The following DSE variants were observed in gnomAD, a reference collection of about 807,000 sequenced individuals.
DSE encodes the protein dermatan-sulfate epimerase.
In DSE, 36 loss-of-function variants were observed where a neutral mutation model predicts 84.4. That is an observed-to-expected ratio of 0.43 (90% CI 0.33 to 0.56). The LOEUF is 0.56. Ranked by LOEUF, DSE falls within the 20% of genes least tolerant of loss-of-function variation. The probability of loss-of-function intolerance (pLI) is 0.06; values close to 1 mark genes in which losing one functional copy is unlikely to be tolerated. For synonymous variants in DSE, 410 were observed against 430.1 expected, an observed-to-expected ratio of 0.95 and a Z score of 0.58; for missense variants, 862 against 1,169.6, an observed-to-expected ratio of 0.74 and a Z score of 3.84.
intron 2 of DSE, among the ~76,000 whole-genome samples, chr6:116,283,689 A>G (rs566432373): frequency 6.6e-6 from 1 of 152,048 alleles, no homozygotes; most frequent in Non-Finnish European, 1.5e-5. Flanking sequence ...GACTACAGAC[A>G]CTGGCCACCA....
chr6:116,437,420 G>C lies in DSE; in HGVS notation c.*75G>C. The C allele has an allele frequency of 7.6e-7, 1 of 1,322,306 alleles. No homozygotes were observed. The highest frequency in any genetic ancestry group is 1.0e-6 in the Non-Finnish European group (1 of 994,708). 81.9% of individuals were successfully genotyped at this position (1,322,306 alleles called of 1,614,324 possible). A position where few individuals can be genotyped will look rare whatever the true frequency, so the allele number is the denominator to read the frequency against. On this transcript the variant is annotated 3_prime_UTR_variant, in exon 6 of 6. Coordinates refer to ENST00000644252, the MANE Select transcript of DSE (RefSeq NM_013352.4). ...CAAAAAAAAAAATTTCTTTACCCCAGATTATCAGATTTTTTTCCCTCAGAT... is the reference window on the plus strand; with the variant it reads ...CAAAAAAAAAAATTTCTTTACCCCACATTATCAGATTTTTTTCCCTCAGAT...
At chr6:116,401,153 C>T (rs1038685490) in intron 2 of DSE, 2 of 151,964 alleles carry the variant, frequency 1.3e-5, no homozygotes, top group African/African-American at 4.8e-5. Context: ...GAGAATTGTA[C>T]AAGACTAGTA....
intron 2 of DSE, among the ~76,000 whole-genome samples, chr6:116,411,255 A>G (rs1306041404): frequency 6.6e-6 from 1 of 152,190 alleles, no homozygotes; most frequent in Non-Finnish European, 1.5e-5. Flanking sequence ...CTTTCTGTTG[A>G]TGATAGAAAA....
At chr6:116,375,654 T>A (rs971299162) in intron 1 of DSE, 1 of 728,498 alleles carries the variant, frequency 1.4e-6, no homozygotes, top group Non-Finnish European at 1.7e-6. Flanking sequence ...GAAAGAGAAA[T>A]ACAAGGTATT....
chr6:116,358,952 A>G (rs1490797956), intron 2 of DSE, among the ~76,000 whole-genome samples: 1 of 152,208 alleles, frequency 6.6e-6, no homozygotes, highest in Non-Finnish European at 1.5e-5. Flanking sequence ...GAAAGTAAAC[A>G]TGAACAGTAT....
intron 2 of DSE, among the ~76,000 whole-genome samples, chr6:116,345,143 A>C (rs1777870354): frequency 6.6e-6 from 1 of 152,188 alleles, no homozygotes; most frequent in African/African-American, 2.4e-5. Context: ...CTACAAAGAG[A>C]CTTAGACTCC....
intron 2 of DSE, among the ~76,000 whole-genome samples, chr6:116,416,490 A>C (rs1317082411): frequency 6.6e-6 from 1 of 151,250 alleles, no homozygotes; most frequent in Non-Finnish European, 1.5e-5. Flanking sequence ...TTTATTCTTC[A>C]TTATAGACTT....
rs1234454962 is a variant in DSE, at chr6:116,429,674, C to T, written c.671-1280C>T. On this transcript the variant is annotated intron_variant, in intron 3 of 5. Transcript: ENST00000644252. ...ATAGAAATATGAGGAGTTGGCCGGG[C>T]GCGGTGGCTCACGCTTGTAATCCCA... Among the ~76,000 whole-genome samples, 16 of 14,066 alleles carry T rather than the reference C, an allele frequency of 1.1e-3. 4 individuals are homozygous for T. Among genetic ancestry groups the T allele is most frequent in the East Asian group, 7.0e-3 (12 of 1,716 alleles). 9.2% of individuals were successfully genotyped at this position (14,066 alleles called of 152,430 possible). A position where few individuals can be genotyped will look rare whatever the true frequency, so the allele number is the denominator to read the frequency against.
At chr6:116,258,690 G>C (rs1262421245) in exon 2 of DSE, 3 of 1,606,324 alleles carry the variant, frequency 1.9e-6, no homozygotes, top group Non-Finnish European at 2.6e-6. Context: ...GGCGAAGTGG[G>C]GACACGTCCA....
At chr6:116,398,714 G>T (rs1781403320) in intron 1 of DSE, among the ~76,000 whole-genome samples, 1 of 152,132 alleles carries the variant, frequency 6.6e-6, no homozygotes, top group African/African-American at 2.4e-5. Flanking sequence ...CCTAATCCCT[G>T]GTTCAGAAAT....
chr6:116,404,507 G>A (rs1437351173), intron 2 of DSE, among the ~76,000 whole-genome samples: 1 of 152,150 alleles, frequency 6.6e-6, no homozygotes, highest in East Asian at 1.9e-4. Flanking sequence ...TTGCATCTTG[G>A]CTCTGCCATT....
At chr6:116,425,629 A>ATTTTTTTTTTATTTT (rs1783392140) in intron 2 of DSE, among the ~76,000 whole-genome samples, 1 of 46,114 alleles carries the variant, frequency 2.2e-5, no homozygotes, top group African/African-American at 5.7e-5. Context: ...ATTTTATTTT[A>ATTTTTTTTTTATTTT]TTTTTTTTTT....
intron 2 of DSE, among the ~76,000 whole-genome samples, chr6:116,357,025 A>C (rs114722012): frequency 0.021 from 3,266 of 152,280 alleles, 115 homozygotes; most frequent in African/African-American, 0.073. Context: ...GTGAGGCCTT[A>C]GTATCTTTGC....
chr6:116,396,266 G>GA (rs1430776316), intron 1 of DSE, among the ~76,000 whole-genome samples: 1 of 152,176 alleles, frequency 6.6e-6, no homozygotes, highest in Non-Finnish European at 1.5e-5. Context: ...GTAAACAACC[G>GA]AAACAGTCCG....
At chr6:116,377,918 C>T (rs578252421) in intron 1 of DSE, among the ~76,000 whole-genome samples, 3 of 152,198 alleles carry the variant, frequency 2.0e-5, no homozygotes, top group Admixed American at 2.0e-4. Flanking sequence ...TTCACAAATT[C>T]TGGGGAAAAA....
intron 2 of DSE, among the ~76,000 whole-genome samples, chr6:116,284,455 G>C (rs1203115301): frequency 6.6e-6 from 1 of 152,100 alleles, no homozygotes; most frequent in Non-Finnish European, 1.5e-5. Context: ...TTCGAACCCA[G>C]AAAGTTTGTC....
intron 2 of DSE, among the ~76,000 whole-genome samples, chr6:116,299,549 T>TATAC (rs1179658591): frequency 2.0e-5 from 1 of 50,824 alleles, no homozygotes; most frequent in African/African-American, 1.5e-4. Context: ...TATATATATA[T>TATAC]ATACACATAC....
At chr6:116,342,250 T>G (rs1425091840) in intron 2 of DSE, among the ~76,000 whole-genome samples, 1 of 151,698 alleles carries the variant, frequency 6.6e-6, no homozygotes, top group East Asian at 1.9e-4. Context: ...TTCTAATTTT[T>G]TTTAACTTTA....
Position 116,278,807 on chromosome 6 carries a change from C to A in DSE, c.-54+19840C>A, listed in dbSNP as rs1773295199. ...GACACCACTCGGCCGGAGGATCTTA[C>A]CTCATATTCCTTGACAATCAGCTTG... is the stretch of plus-strand genomic sequence containing the variant. On this transcript the variant is annotated intron_variant, in intron 2 of 3. Transcript: ENST00000430252. 2 of 1,614,012 alleles carry A rather than the reference C, an allele frequency of 1.2e-6. No homozygotes were observed. The highest frequency in any genetic ancestry group is 1.3e-5 in the African/African-American group (1 of 74,898).
Sources: allele counts gnomAD v4.1 joint callset (sites outside exome capture counted in the v4.1 genomes callset), GRCh38; gene constraint gnomAD v4.1.1; transcripts MANE v1.5; gene names NCBI Gene and HGNC (gene_info 2026-07-23, HGNC 2026-07-21).